The following EFCAB8 variants were observed in gnomAD, a reference collection of about 807,000 sequenced individuals.
EFCAB8 encodes the protein EF-hand calcium binding domain 8, also known as EF-hand calcium-binding domain-containing protein 8.
Under a neutral mutation model 116.3 loss-of-function variants are expected in EFCAB8, and 100 were observed. The ratio of observed to expected loss-of-function variants is 0.86; its 90% CI spans 0.73 to 1.02. The LOEUF (loss-of-function observed/expected upper bound fraction) is 1.02. Ranked by LOEUF, EFCAB8 falls within the 50% of genes least tolerant of loss-of-function variation. EFCAB8 has a pLI of 0.00. For missense variants in EFCAB8, 1,320 were observed against 1,416.9 expected, an observed-to-expected ratio of 0.93 and a Z score of 1.10; for synonymous variants, 558 against 567.9, an observed-to-expected ratio of 0.98 and a Z score of 0.25.
At chr20:32,902,612 T>C (rs1461510985) in intron 11 of EFCAB8, among the ~76,000 whole-genome samples, 1 of 152,194 alleles carries the variant, frequency 6.6e-6, no homozygotes, top group Non-Finnish European at 1.5e-5. Context: ...CTGGGAGTGT[T>C]GGCACACCCC....
intron 24 of EFCAB8, among the ~76,000 whole-genome samples, chr20:32,958,873 T>C (rs1382707703): frequency 2.0e-5 from 3 of 152,188 alleles, no homozygotes; most frequent in Non-Finnish European, 4.4e-5. Flanking sequence ...CCTGCAGAGA[T>C]CATTGCTGCA....
At position 32,896,508 on chromosome 20, in the gene EFCAB8, A is replaced by G. The variant is rs1460619934; in HGVS notation, c.938A>G (p.His313Arg). 2.8e-6 allele frequency: 2 copies of G among 719,062 alleles called. No homozygotes were observed. The highest frequency in any genetic ancestry group is 2.0e-5 in the Admixed American group (1 of 50,028). The allele number at this position is 719,062 out of a possible 1,614,324, so 44.5% of individuals were successfully genotyped here. The change falls in exon 10 of 27, where the codon CAT becomes CGT. Residue 313 changes from histidine (H) to arginine (R), a missense_variant. Physicochemically the swap from His to Arg is conservative, Grantham distance 29. Transcript: ENST00000400522. The stretch of plus-strand genomic sequence containing the variant: ...CTCTTAAATGAGAAGTCTGCTTTGC[A>G]TAGAAGCTACCGGCTGAAGGTGAGT... ...QKLLNEKSAL[H>R]RSYRLKALHP... is the part of the protein sequence containing the mutation.
At position 32,939,063 on chromosome 20, in the gene EFCAB8, TTCTC is replaced by T. The variant is rs1195292489; in HGVS notation, c.2791-4568_2791-4565del. On this transcript the variant is annotated intron_variant, in intron 22 of 26. Transcript: ENST00000400522. ...TTCCTTCGTTTCTCTCTTTCTTTCT[TTCTC>T]TCTCCCCAACTTCTTTCTTTTTTCT... Among the ~76,000 whole-genome samples the T allele has an allele frequency of 1.5e-5, 2 of 132,536 alleles. 1 individual carries two copies. The highest frequency in any genetic ancestry group is 3.3e-5 in the Non-Finnish European group (2 of 59,892). The allele number at this position is 132,536 out of a possible 152,430, so 86.9% of individuals were successfully genotyped here. A position where few individuals can be genotyped will look rare whatever the true frequency, so the allele number is the denominator to read the frequency against.
chr20:32,938,936 TTCCC>T (rs914091741), intron 22 of EFCAB8, among the ~76,000 whole-genome samples: 2 of 147,794 alleles, frequency 1.4e-5, no homozygotes, highest in Admixed American at 6.7e-5. Context: ...CTTTTCTTCC[TTCCC>T]TCCCTCCCTT....
At chr20:32,904,215 A>G (rs1427739836) in intron 11 of EFCAB8, among the ~76,000 whole-genome samples, 23 of 145,312 alleles carry the variant, frequency 1.6e-4, no homozygotes, top group African/African-American at 5.7e-4. Flanking sequence ...CTGGTCTTGA[A>G]CTCCTGGCCT....
At chr20:32,898,387 G>A (rs965978620) in intron 10 of EFCAB8, 106 bp from the exon 11 acceptor site, 7 of 633,784 alleles carry the variant, frequency 1.1e-5, no homozygotes, top group South Asian at 7.3e-5. Context: ...ATTAGACTCC[G>A]TGATCTCTGG....
chr20:32,898,234 A>G (rs1349217732), intron 10 of EFCAB8, among the ~76,000 whole-genome samples: 2 of 152,176 alleles, frequency 1.3e-5, no homozygotes, highest in East Asian at 1.9e-4. Context: ...GACCTTCCCC[A>G]TCCTCTAACT....
rs527246901 is a variant in EFCAB8, at chr20:32,884,966, C to T, written c.432-539C>T. Among the ~76,000 whole-genome samples the T allele has an allele frequency of 2.1e-4, 32 of 152,344 alleles. 1 individual carries two copies. The East Asian group carries it at 2.3e-3, about 11-fold the overall frequency. On this transcript the variant is annotated intron_variant, in intron 5 of 26. Transcript: ENST00000400522. ...CCTCCTGCGAGGCCAGGCCTGCCCC[C>T]GGAGCTGTTGGCTGTAGGTTTGGTG...
chr20:32,920,244 T>C (rs1215869232), intron 20 of EFCAB8, 29 bp downstream of exon 20: 2 of 1,550,562 alleles, frequency 1.3e-6, no homozygotes, highest in African/African-American at 1.4e-5. Flanking sequence ...GGGAGAGGGA[T>C]ATGAGCTGGG....
chr20:32,960,853 C>G (rs903095264), intron 26 of EFCAB8, among the ~76,000 whole-genome samples: 1 of 152,198 alleles, frequency 6.6e-6, no homozygotes, highest in Non-Finnish European at 1.5e-5. Flanking sequence ...GGGTCCAGCT[C>G]GAGGCCTCAT....
chr20:32,872,660 G>C (rs554000737), intron 3 of EFCAB8, among the ~76,000 whole-genome samples: 1 of 151,902 alleles, frequency 6.6e-6, no homozygotes, highest in African/African-American at 2.4e-5. Context: ...TGGGCATGGT[G>C]GTGGGTGCCT....
intron 25 of EFCAB8, 38 bp downstream of exon 25, chr20:32,960,020 A>AC (rs767470564): frequency 6.4e-7 from 1 of 1,551,338 alleles, no homozygotes; most frequent in South Asian, 1.2e-5. Flanking sequence ...GAGTGCAGGG[A>AC]CCCCCAACTC....
intron 17 of EFCAB8, among the ~76,000 whole-genome samples, chr20:32,914,920 A>G (rs904584971): frequency 6.6e-6 from 1 of 151,692 alleles, no homozygotes; most frequent in Non-Finnish European, 1.5e-5. Flanking sequence ...TCTTTAAGAC[A>G]TGGGATCTCA....
intron 3 of EFCAB8, 55 bp downstream of exon 3, chr20:32,867,802 C>A (rs1984501175): frequency 1.3e-6 from 2 of 1,520,980 alleles, no homozygotes; most frequent in Admixed American, 2.1e-5. Context: ...AGGGCAGGAC[C>A]GAGTACCTGG....
At chr20:32,892,349 G>GGTTCATGTGAGGAACACC in intron 8 of EFCAB8, 52 bp downstream of exon 8, 1 of 1,517,636 alleles carries the variant, frequency 6.6e-7, no homozygotes, top group Non-Finnish European at 8.9e-7. Context: ...CAGGCCTCCT[G>GGTTCATGTGAGGAACACC]CAGCAGCCGC....
chr20:32,908,368 T>C lies in EFCAB8; in HGVS notation c.1402T>C (p.Tyr468His). The C allele has an allele frequency of 8.0e-7, 1 of 1,250,000 alleles. No homozygotes were observed. The highest frequency in any genetic ancestry group is 1.0e-6 in the Non-Finnish European group (1 of 988,274). 77.4% of individuals were successfully genotyped at this position (1,250,000 alleles called of 1,614,324 possible). Residue 468 changes from tyrosine to histidine, a missense_variant, in exon 14 of 27, where the codon TAC becomes CAC. Physicochemically the swap from Tyr to His is moderately conservative, Grantham distance 83. Transcript: ENST00000400522. ...GGGAAACTGCCCCATCACCAGTGCC[T>C]ACTTCTTCGAGAAGGACAATACCCT... ...ALGNCPITSA[Y>H]FFEKDNTLIC...
intron 22 of EFCAB8, 165 bp downstream of exon 22, chr20:32,931,501 G>A: frequency 5.6e-6 from 3 of 532,172 alleles, no homozygotes; most frequent in Non-Finnish European, 7.2e-6. Context: ...GCCCACGCCT[G>A]TAATCCCAGC....
chr20:32,961,422 T>C lies in EFCAB8; in HGVS notation c.3680T>C (p.Phe1227Ser), dbSNP rs1989147956. 6.2e-6 allele frequency: 9 copies of C among 1,457,334 alleles called. No individual in the cohort carries two copies. Among genetic ancestry groups the C allele is most frequent in the South Asian group, 1.5e-5 (1 of 68,032 alleles). 90.3% of individuals were successfully genotyped at this position (1,457,334 alleles called of 1,614,324 possible). Residue 1227 changes from phenylalanine (F) to serine (S), a missense_variant, in exon 27 of 27, where the codon TTC (phenylalanine) becomes TCC (serine). Coordinates refer to ENST00000400522, the MANE Select transcript of EFCAB8 (RefSeq NM_001143967.2). ...LPTFLTPQFS[F>S]LLRPQSASTA... ...ACCTTCCTGACGCCCCAGTTCTCCT[T>C]CTTGCTGCGGCCCCAGTCAGCCTCC...
intron 3 of EFCAB8, among the ~76,000 whole-genome samples, chr20:32,868,895 G>T (rs1984555577): frequency 6.6e-6 from 1 of 152,104 alleles, no homozygotes; most frequent in African/African-American, 2.4e-5. Context: ...TGAGGCAAGA[G>T]AATCGCTTGA....
Sources: gnomAD v4.1 joint callset for allele counts (sites outside exome capture counted in the v4.1 genomes callset) on GRCh38, gnomAD v4.1.1 for gene constraint, MANE v1.5 for transcripts, NCBI Gene and HGNC (gene_info 2026-07-23, HGNC 2026-07-21) for gene names.